Variants in HEATR3 observed in about 807,000 individuals in gnomAD.
HEATR3 encodes HEAT repeat-containing protein 3.
Under a neutral mutation model 72.8 loss-of-function variants are expected in HEATR3, and 56 were observed. That is an observed-to-expected ratio of 0.77 (90% CI 0.62 to 0.96). HEATR3 has a LOEUF of 0.96. Among genes scored for constraint, HEATR3 ranks in the 40% least tolerant of loss-of-function variants. The pLI is 0.00. For missense variants in HEATR3, 747 were observed against 831.4 expected (o/e 0.90, Z 1.25); for synonymous variants, 331 against 318.1 (o/e 1.04, Z -0.43).
rs1046508551 is a variant in HEATR3 at position 50,105,334 on chromosome 16, T to A, written c.*273T>A. 2 of 341,352 alleles carry A rather than the reference T, an allele frequency of 5.9e-6. No homozygotes were observed. Among genetic ancestry groups the A allele is most frequent in the African/African-American group, 2.2e-5 (1 of 45,490 alleles). The allele number at this position is 341,352 out of a possible 1,614,324, so 21.1% of individuals were successfully genotyped here. On this transcript the variant is annotated 3_prime_UTR_variant, in exon 15 of 15. Transcript: ENST00000299192. ...CCGCATGCATAAGCATGGTGGCACA[T>A]GCCTGTGATCCCAGCTACTCGGGAG...
At chr16:50,076,865 A>ATTTTTTTT (rs756365677) in intron 6 of HEATR3, among the ~76,000 whole-genome samples, 1 of 106,390 alleles carries the variant, frequency 9.4e-6, no homozygotes, top group Non-Finnish European at 1.9e-5. Context: ...ACACCTGGCT[A>ATTTTTTTT]TTTTTTTTTT....
At chr16:50,103,715 A>G (rs539444679) in intron 14 of HEATR3, among the ~76,000 whole-genome samples, 4 of 152,310 alleles carry the variant, frequency 2.6e-5, no homozygotes, top group East Asian at 3.9e-4. Flanking sequence ...TCAAACTCAG[A>G]TTCCATACAA....
intron 7 of HEATR3, among the ~76,000 whole-genome samples, chr16:50,081,644 C>T (rs1344862254): frequency 6.6e-6 from 1 of 152,150 alleles, no homozygotes; most frequent in Non-Finnish European, 1.5e-5. Context: ...ATGCCAGGAA[C>T]ACAAATTATA....
At chr16:50,100,452 AC>A (rs1232305138) in intron 13 of HEATR3, 79 bp downstream of exon 13, 3 of 1,366,242 alleles carry the variant, frequency 2.2e-6, no homozygotes, top group Non-Finnish European at 3.1e-6. Context: ...ATTTCTTAAA[AC>A]TTGTGTGGAC....
Position 50,068,799 on chromosome 16 carries a change from G to C in HEATR3, c.331G>C (p.Gly111Arg), listed in dbSNP as rs2150594314. The change falls in exon 3 of 15, where the codon GGT becomes CGT. Residue 111 changes from glycine to arginine, a missense_variant. By Grantham distance (125) the Gly-to-Arg change is moderately radical (BLOSUM62 -2). Coordinates refer to ENST00000299192, the MANE Select transcript of HEATR3 (RefSeq NM_182922.4). ...GTGTAGAAATCTCAGTGCTTGTGGA[G>C]GTTTTGAAGTTTGTGATGACATGGT... ...GALRNLSACGGFEVCDDMVTK... is the reference protein window; with the variant it reads ...GALRNLSACGRFEVCDDMVTK... 6.2e-7 allele frequency: 1 copy of C among 1,613,718 alleles called. No homozygotes were observed. Among genetic ancestry groups the C allele is most frequent in the South Asian group, 1.1e-5 (1 of 91,004 alleles).
Position 50,072,694 on chromosome 16 carries a change from T to C in HEATR3, c.602T>C (p.Val201Ala). ...LKYLSRFPTN[V>A]DLAISVAYCL... Reference sequence around the variant, plus strand: ...TATTTAAGTAGGTTTCCTACCAATGTTGACCTGGCTATTTCAGTAGGTAAG... The same window carrying C: ...TATTTAAGTAGGTTTCCTACCAATGCTGACCTGGCTATTTCAGTAGGTAAG... The change falls in exon 5 of 15, where the codon GTT (valine) becomes GCT (alanine). Residue 201 changes from valine (V) to alanine (A), a missense_variant. This residue lies in a region of HEATR3 where 586 missense variants were observed against 708.8 expected (regional missense o/e 0.83). Coordinates refer to ENST00000299192, the MANE Select transcript of HEATR3 (RefSeq NM_182922.4). 1 of 1,591,324 alleles carries C rather than the reference T, an allele frequency of 6.3e-7. No individual in the cohort carries two copies. The highest frequency in any genetic ancestry group is 8.6e-7 in the Non-Finnish European group (1 of 1,159,076).
intron 12 of HEATR3, among the ~76,000 whole-genome samples, 180 bp downstream of exon 12, chr16:50,094,973 T>G (rs1160047521): frequency 6.6e-6 from 1 of 152,190 alleles, no homozygotes; most frequent in Non-Finnish European, 1.5e-5. Flanking sequence ...CTCCCTACCA[T>G]CAGCAACACA....
In HEATR3 at chr16:50,084,737, C is replaced by A. The variant is rs372298239; in HGVS notation, c.1373+86C>A. On this transcript the variant is annotated intron_variant, in intron 10 of 14. Coordinates refer to ENST00000299192, the MANE Select transcript of HEATR3 (RefSeq NM_182922.4). ...TATTAAATAGAAGGTGCTGACTCCC[C>A]CTAGGACCCAGAAGTTTTGTTCCTG... The A allele has an allele frequency of 2.0e-5, 20 of 985,006 alleles. No individual in the cohort carries two copies. The African/African-American group carries it at 2.9e-4, about 14-fold the overall frequency. The allele number at this position is 985,006 out of a possible 1,614,324, so 61.0% of individuals were successfully genotyped here.
intron 11 of HEATR3, among the ~76,000 whole-genome samples, chr16:50,092,575 T>C (rs2037142800): frequency 6.6e-6 from 1 of 151,510 alleles, no homozygotes; most frequent in East Asian, 2.0e-4. Context: ...TAGCTGGGAC[T>C]ACAGGCGCCC....
At chr16:50,082,831 C>G (rs1481301639) in intron 7 of HEATR3, among the ~76,000 whole-genome samples, 3 of 149,720 alleles carry the variant, frequency 2.0e-5, no homozygotes, top group Admixed American at 6.7e-5. Flanking sequence ...GAGATGGAGT[C>G]TCACTCTGTT....
chr16:50,067,756 A>G (rs1462583590), intron 2 of HEATR3, among the ~76,000 whole-genome samples: 1 of 152,204 alleles, frequency 6.6e-6, no homozygotes, highest in Non-Finnish European at 1.5e-5. Flanking sequence ...TTTGTTATTT[A>G]TATTTCATTC....
chr16:50,080,542 G>A (rs1339680374), intron 7 of HEATR3, among the ~76,000 whole-genome samples: 1 of 152,046 alleles, frequency 6.6e-6, no homozygotes, highest in East Asian at 1.9e-4. Flanking sequence ...GTTTCTCCAT[G>A]TTGGTCAGGC....
At chr16:50,076,952 C>T (rs1033522157) in intron 6 of HEATR3, among the ~76,000 whole-genome samples, 1 of 150,292 alleles carries the variant, frequency 6.7e-6, no homozygotes, top group African/African-American at 2.5e-5. Flanking sequence ...ACTGCAAGCT[C>T]CGCTTCCCAG....
In HEATR3 at chr16:50,084,363, A is replaced by G. The variant is rs1049135687; in HGVS notation, c.1290+72A>G. The G allele has an allele frequency of 5.9e-6, 9 of 1,521,282 alleles. No homozygotes were observed. In the African/African-American group the frequency reaches 1.2e-4, roughly 21 times the overall value. 94.2% of individuals were successfully genotyped at this position (1,521,282 alleles called of 1,614,324 possible). On this transcript the variant is annotated intron_variant, in intron 9 of 14. Transcript: ENST00000299192. ...TAAGCAAGGTATTCATTTTGTGTAC[A>G]AAAGAAGCAAGCTCACACTTCCAGG...
At position 50,106,926 on chromosome 16, in the gene HEATR3, A is replaced by G. The variant is rs1391554748; in HGVS notation, c.*1865A>G. ...TAACCCAAATTGTGTATATGGTGGGAAAACAGAAATGTATACCATATACAA... is the reference window on the plus strand; with the variant it reads ...TAACCCAAATTGTGTATATGGTGGGGAAACAGAAATGTATACCATATACAA... On this transcript the variant is annotated 3_prime_UTR_variant, in exon 15 of 15. Transcript: ENST00000299192. 6.6e-6 allele frequency among the ~76,000 whole-genome samples: 1 copy of G among 152,158 alleles called. No homozygotes were observed. The highest frequency in any genetic ancestry group is 2.4e-5 in the African/African-American group (1 of 41,438).
chr16:50,089,968 A>G (rs909616622), intron 11 of HEATR3, among the ~76,000 whole-genome samples: 4 of 152,082 alleles, frequency 2.6e-5, no homozygotes, highest in Non-Finnish European at 5.9e-5. Context: ...CCCGTCCTAG[A>G]GATGATATTC....
At chr16:50,085,248 A>T (rs997023109) in intron 10 of HEATR3, among the ~76,000 whole-genome samples, 3 of 152,154 alleles carry the variant, frequency 2.0e-5, no homozygotes, top group African/African-American at 7.2e-5. Flanking sequence ...TCCCAGGTGC[A>T]TGGGTTTTGG....
At chr16:50,067,990 C>A (rs2036535612) in intron 2 of HEATR3, among the ~76,000 whole-genome samples, 1 of 152,114 alleles carries the variant, frequency 6.6e-6, no homozygotes. Context: ...GGGAAGAAGA[C>A]TGAGTGAGTG....
intron 7 of HEATR3, among the ~76,000 whole-genome samples, chr16:50,080,487 T>G (rs1330704831): frequency 6.6e-6 from 1 of 151,894 alleles, no homozygotes; most frequent in African/African-American, 2.4e-5. Flanking sequence ...ATTACAGGCA[T>G]GTGTCACCAC....
Sources: allele counts gnomAD v4.1 joint callset (sites outside exome capture counted in the v4.1 genomes callset), GRCh38; gene constraint gnomAD v4.1.1; regional missense constraint gnomAD v4.1.1; transcripts MANE v1.5; gene names NCBI Gene and HGNC (gene_info 2026-07-23, HGNC 2026-07-21).